The following RAP2A variants were observed in gnomAD, a reference collection of about 807,000 sequenced individuals.
RAP2A encodes the protein RAP2A, member of RAS oncogene family.
Under a neutral mutation model 15.1 loss-of-function variants are expected in RAP2A, and 5 were observed. The ratio of observed to expected loss-of-function variants is 0.33; its 90% CI spans 0.17 to 0.70. RAP2A has a LOEUF of 0.70. RAP2A is among the 30% of genes least tolerant of loss of function. The pLI is 0.68. For synonymous variants in RAP2A, 110 were observed against 99.7 expected, an observed-to-expected ratio of 1.10 and a Z score of -0.62; for missense variants, 111 against 240.3, an observed-to-expected ratio of 0.46 and a Z score of 3.56.
intron 1 of RAP2A, among the ~76,000 whole-genome samples, chr13:97,459,192 CAAT>C (rs1470115164): frequency 6.6e-6 from 1 of 151,590 alleles, no homozygotes; most frequent in Non-Finnish European, 1.5e-5. Flanking sequence ...ATCAGGTTAA[CAAT>C]AACACATACA....
Position 97,446,580 on chromosome 13 carries a change from T to C in RAP2A, c.314+11796T>C, listed in dbSNP as rs2066680658. On this transcript the variant is annotated intron_variant, in intron 1 of 1. Coordinates refer to ENST00000245304, the MANE Select transcript of RAP2A (RefSeq NM_021033.7). The stretch of plus-strand genomic sequence containing the variant: ...GACTGTGTTGATCCATAGAGTATGC[T>C]GGAAGTGATAACCAAGCCAGTTTGG... Among the ~76,000 whole-genome samples, 3 of 152,330 alleles carry C rather than the reference T, an allele frequency of 2.0e-5. No homozygotes were observed. The South Asian group carries it at 6.2e-4, about 32-fold the overall frequency.
At chr13:97,441,296 T>G (rs1197887992) in intron 1 of RAP2A, among the ~76,000 whole-genome samples, 1 of 152,170 alleles carries the variant, frequency 6.6e-6, no homozygotes, top group Non-Finnish European at 1.5e-5. Context: ...TACTAATACT[T>G]ATTTTTTAAT....
At chr13:97,438,552 C>T (rs2066643766) in intron 1 of RAP2A, among the ~76,000 whole-genome samples, 1 of 152,114 alleles carries the variant, frequency 6.6e-6, no homozygotes, top group Admixed American at 6.5e-5. Context: ...TAAATAACTC[C>T]CACAAGCTTA....
intron 1 of RAP2A, among the ~76,000 whole-genome samples, chr13:97,463,697 C>T (rs957080035): frequency 1.3e-5 from 2 of 152,228 alleles, no homozygotes; most frequent in South Asian, 2.1e-4. Flanking sequence ...TCAAGCGATT[C>T]TCCTGTCTCA....
chr13:97,435,012 G>C (rs1225353166), intron 1 of RAP2A, among the ~76,000 whole-genome samples: 1 of 152,206 alleles, frequency 6.6e-6, no homozygotes, highest in Non-Finnish European at 1.5e-5. Context: ...TTTGTCTCTT[G>C]GACGTTGTTA....
chr13:97,434,865 G>C, intron 1 of RAP2A, 81 bp downstream of exon 1: 3 of 1,556,884 alleles, frequency 1.9e-6, no homozygotes, highest in South Asian at 2.4e-5. Flanking sequence ...GCGGGGCTCC[G>C]GGGAAGGGGC....
At position 97,464,564 on chromosome 13, in the gene RAP2A, A is replaced by T; in HGVS notation, c.*122A>T. The T allele has an allele frequency of 1.1e-6, 1 of 904,492 alleles. No individual in the cohort carries two copies. Among genetic ancestry groups the T allele is most frequent in the Non-Finnish European group, 1.7e-6 (1 of 576,002 alleles). The allele number at this position is 904,492 out of a possible 1,614,324, so 56.0% of individuals were successfully genotyped here. A position where few individuals can be genotyped will look rare whatever the true frequency, so the allele number is the denominator to read the frequency against. ...TAATCTACAGAGAACTGCAGCCCTT[A>T]TTCAGAATTGAGCAGTGATTGTCAG... On this transcript the variant is annotated 3_prime_UTR_variant, in exon 2 of 2. Transcript: ENST00000245304.
chr13:97,435,959 A>G (rs1721613792), intron 1 of RAP2A: 1 of 152,206 alleles, frequency 6.6e-6, no homozygotes, highest in Non-Finnish European at 1.5e-5. Flanking sequence ...AAGAGCAAGG[A>G]CCAAGTTATG....
intron 1 of RAP2A, among the ~76,000 whole-genome samples, chr13:97,460,215 A>G (rs2066740553): frequency 6.6e-6 from 1 of 152,086 alleles, no homozygotes; most frequent in Admixed American, 6.5e-5. Flanking sequence ...ATTTCCCCCA[A>G]CATTTTTGGC....
chr13:97,441,832 G>A (rs568968022), intron 1 of RAP2A: 7 of 435,654 alleles, frequency 1.6e-5, no homozygotes, highest in Non-Finnish European at 2.3e-5. Flanking sequence ...GTTTGAATAC[G>A]AGCAGACTTT....
In RAP2A at chr13:97,440,040, C is replaced by G. The variant is rs1195720956; in HGVS notation, c.314+5256C>G. Among the ~76,000 whole-genome samples the G allele has an allele frequency of 2.0e-5, 3 of 152,102 alleles. No individual in the cohort carries two copies. In the East Asian group the frequency reaches 5.8e-4, roughly 29 times the overall value. On this transcript the variant is annotated intron_variant, in intron 1 of 1. Coordinates refer to ENST00000245304, the MANE Select transcript of RAP2A (RefSeq NM_021033.7). Reference sequence around the variant, plus strand: ...CAGAAGCATATTACCAATTGTTACACATAGATCTTTGGCCCATGACAGTTT... The same window carrying G: ...CAGAAGCATATTACCAATTGTTACAGATAGATCTTTGGCCCATGACAGTTT...
intron 1 of RAP2A, among the ~76,000 whole-genome samples, chr13:97,441,254 G>T (rs1046911282): frequency 6.6e-6 from 1 of 151,964 alleles, no homozygotes; most frequent in African/African-American, 2.4e-5. Context: ...TTTGATAATT[G>T]TATCAATAAA....
intron 1 of RAP2A, among the ~76,000 whole-genome samples, chr13:97,436,956 G>A (rs1314189305): frequency 1.3e-5 from 2 of 152,198 alleles, no homozygotes; most frequent in Non-Finnish European, 2.9e-5. Flanking sequence ...CATTGATGGA[G>A]AGGACATGTG....
At position 97,464,237 on chromosome 13, in the gene RAP2A, AC is replaced by A; in HGVS notation, c.348del (p.Asn116LysfsTer46). 6.2e-7 allele frequency: 1 copy of A among 1,614,218 alleles called. No homozygotes were observed. Among genetic ancestry groups the A allele is most frequent in the Non-Finnish European group, 8.5e-7 (1 of 1,180,034 alleles). The part of the protein sequence containing the change: ...YEKVPVILVG[N>X]KVDLESEREV... ...AAAGTGCCAGTCATCTTGGTTGGGA[AC>A]AAAGTGGACCTGGAAAGTGAGAGAG... On this transcript the variant is annotated frameshift_variant, in exon 2 of 2. Transcript: ENST00000245304. LOFTEE classifies it high-confidence loss of function.
At chr13:97,454,625 A>C (rs2066715406) in intron 1 of RAP2A, among the ~76,000 whole-genome samples, 1 of 151,284 alleles carries the variant, frequency 6.6e-6, no homozygotes, top group Non-Finnish European at 1.5e-5. Context: ...AATCCTCAAA[A>C]AGGACTATAA....
intron 1 of RAP2A, among the ~76,000 whole-genome samples, chr13:97,461,962 CA>C (rs775969872): frequency 0.013 from 1,404 of 105,860 alleles, 27 homozygotes; most frequent in African/African-American, 0.05. Context: ...GACTCCGTCT[CA>C]AAAAAAAAAT....
intron 1 of RAP2A, among the ~76,000 whole-genome samples, chr13:97,460,147 C>T (rs1594328030): frequency 6.6e-6 from 1 of 152,322 alleles, no homozygotes; most frequent in Non-Finnish European, 1.5e-5. Context: ...GCAGTAGTGG[C>T]TCCGCTTGTA....
intron 1 of RAP2A, among the ~76,000 whole-genome samples, chr13:97,455,594 T>C (rs2066719542): frequency 6.6e-6 from 1 of 151,498 alleles, no homozygotes; most frequent in African/African-American, 2.4e-5. Flanking sequence ...ATGATTCCGA[T>C]GTCAGTTCAA....
At chr13:97,454,584 T>C (rs965574346) in intron 1 of RAP2A, among the ~76,000 whole-genome samples, 1 of 150,982 alleles carries the variant, frequency 6.6e-6, no homozygotes, top group African/African-American at 2.4e-5. Flanking sequence ...CTTTCCAGAG[T>C]TTTTGTATGC....
Sources: gnomAD v4.1 joint callset for allele counts (sites outside exome capture counted in the v4.1 genomes callset) on GRCh38, gnomAD v4.1.1 for gene constraint, MANE v1.5 for transcripts, NCBI Gene and HGNC (gene_info 2026-07-23, HGNC 2026-07-21) for gene names.